Variants in TBXAS1 observed in about 807,000 individuals in gnomAD.
The protein encoded by TBXAS1 is thromboxane-A synthase.
In TBXAS1, 48 loss-of-function variants were observed where a neutral mutation model predicts 60.7. The observed-to-expected ratio is 0.79, with a 90% CI of 0.63 to 1.01. TBXAS1 has a LOEUF of 1.01. TBXAS1 is among the 50% of genes least tolerant of loss of function. The pLI, the probability that TBXAS1 is intolerant of heterozygous loss-of-function variation, is 0.00. For synonymous variants in TBXAS1, 287 were observed against 269.7 expected, an observed-to-expected ratio of 1.06 and a Z score of -0.63; for missense variants, 685 against 686.3, an observed-to-expected ratio of 1.00 and a Z score of 0.02.
intron 4 of TBXAS1, among the ~76,000 whole-genome samples, chr7:139,932,904 C>T (rs1807446279): frequency 6.6e-6 from 1 of 151,960 alleles, no homozygotes; most frequent in Non-Finnish European, 1.5e-5. Flanking sequence ...AAAAAAACTT[C>T]AAAATTAGCT....
At chr7:139,931,161 C>T (rs764694121) in intron 4 of TBXAS1, among the ~76,000 whole-genome samples, 5 of 152,252 alleles carry the variant, frequency 3.3e-5, no homozygotes, top group Admixed American at 6.5e-5. Context: ...CTTTCCCTGA[C>T]GTTAAATGCT....
intron 4 of TBXAS1, among the ~76,000 whole-genome samples, chr7:139,822,688 T>A (rs1178214749): frequency 6.6e-6 from 1 of 152,162 alleles, no homozygotes; most frequent in Non-Finnish European, 1.5e-5. Flanking sequence ...GGGTGATCCT[T>A]GACGTCCCCC....
intron 4 of TBXAS1, among the ~76,000 whole-genome samples, chr7:139,802,913 G>T (rs1797757932): frequency 6.6e-6 from 1 of 152,234 alleles, no homozygotes; most frequent in Admixed American, 6.5e-5. Flanking sequence ...CCTCTGCCAT[G>T]ATTGTGATGC....
In TBXAS1 at chr7:139,955,544, T is replaced by A; in HGVS notation, c.625T>A (p.Phe209Ile). The A allele has an allele frequency of 6.2e-7, 1 of 1,614,222 alleles. No individual in the cohort carries two copies. Among genetic ancestry groups the A allele is most frequent in the Admixed American group, 1.7e-5 (1 of 60,034 alleles). ...CTCCTGGCAGGCCCCTGAGGATCCCTTTGTGAAACACTGCAAGCGTTTCTT... is the reference window on the plus strand; with the variant it reads ...CTCCTGGCAGGCCCCTGAGGATCCCATTGTGAAACACTGCAAGCGTTTCTT... ...VDSWQAPEDP[F>I]VKHCKRFFEF... Residue 209 changes from phenylalanine (F) to isoleucine (I), a missense_variant, in exon 7 of 13, where the codon TTT becomes ATT. Physicochemically the swap from Phe to Ile is conservative, Grantham distance 21 (BLOSUM62 0). Transcript: ENST00000448866.
chr7:139,805,722 CTCTCTCTCTTTCTT>C (rs1797851466), intron 4 of TBXAS1, among the ~76,000 whole-genome samples: 2 of 120,778 alleles, frequency 1.7e-5, no homozygotes, highest in African/African-American at 6.9e-5. Context: ...TTCTCTCTCT[CTCTCTCTCTTTCTT>C]TCTTTCTTTC....
At chr7:139,941,916 C>T (rs6964435) in intron 5 of TBXAS1, among the ~76,000 whole-genome samples, 1,874 of 152,242 alleles carry the variant, frequency 0.012, 20 homozygotes, top group Non-Finnish European at 0.017. Context: ...CAGGTTAGCA[C>T]TAGATTTATT....
intron 3 of TBXAS1, among the ~76,000 whole-genome samples, chr7:139,893,648 C>T (rs996582469): frequency 3.3e-5 from 5 of 152,178 alleles, no homozygotes; most frequent in African/African-American, 1.2e-4. Flanking sequence ...TACATTTGCA[C>T]CAAGAACAGT....
At chr7:139,966,528 A>G (rs1810801378) in intron 9 of TBXAS1, among the ~76,000 whole-genome samples, 1 of 152,178 alleles carries the variant, frequency 6.6e-6, no homozygotes, top group Admixed American at 6.5e-5. Context: ...TCTCAGGCAC[A>G]TCTTCCCTAG....
rs1487480192 is a variant in TBXAS1, at chr7:139,852,442, G to A, written c.90-19793G>A. Among the ~76,000 whole-genome samples the A allele has an allele frequency of 6.6e-6, 1 of 152,162 alleles. No individual in the cohort carries two copies. Among genetic ancestry groups the A allele is most frequent in the East Asian group, 1.9e-4 (1 of 5,196 alleles). ...TGAGAGCCAGAAGCAAACACACTGA[G>A]GAACAACGGGCACTGAGATTCAGGG... On this transcript the variant is annotated intron_variant, in intron 1 of 12. Coordinates refer to ENST00000448866, the MANE Select transcript of TBXAS1 (RefSeq NM_001061.7). The surrounding 1 kb of genome is among the most constrained non-coding windows in gnomAD (Gnocchi z 4.4).
chr7:139,832,377 A>G (rs1229247205), intron 1 of TBXAS1, among the ~76,000 whole-genome samples: 1 of 151,154 alleles, frequency 6.6e-6, no homozygotes, highest in East Asian at 1.9e-4. Flanking sequence ...CTCAAAGACA[A>G]GGTCTTTGAA....
intron 8 of TBXAS1, among the ~76,000 whole-genome samples, chr7:139,958,127 A>T (rs1810026324): frequency 6.6e-6 from 1 of 152,132 alleles, no homozygotes; most frequent in African/African-American, 2.4e-5. Context: ...AATTTTCATG[A>T]GCATATTCTT....
chr7:140,002,323 T>C (rs1359323076), intron 9 of TBXAS1, among the ~76,000 whole-genome samples: 6 of 152,260 alleles, frequency 3.9e-5, no homozygotes, highest in African/African-American at 4.8e-5. Context: ...AGAGGACTTA[T>C]AATAAATTCT....
chr7:139,842,928 T>G (rs1202137228), intron 1 of TBXAS1, among the ~76,000 whole-genome samples: 1 of 152,180 alleles, frequency 6.6e-6, no homozygotes, highest in Non-Finnish European at 1.5e-5. Context: ...TCAGAGATGA[T>G]CTGAAAGCAA....
At chr7:139,817,977 C>T (rs1400552069) in intron 4 of TBXAS1, among the ~76,000 whole-genome samples, 2 of 152,212 alleles carry the variant, frequency 1.3e-5, no homozygotes, top group South Asian at 2.1e-4. Flanking sequence ...GTAGTACATT[C>T]ATTCATTTCA....
chr7:139,817,335 C>G (rs1445200042), intron 4 of TBXAS1, among the ~76,000 whole-genome samples: 1 of 152,076 alleles, frequency 6.6e-6, no homozygotes, highest in Non-Finnish European at 1.5e-5. Flanking sequence ...GCACACGTGC[C>G]TGCTCCACAA....
chr7:139,787,426 G>A (rs1031903938), exon 4 of TBXAS1: 1 of 152,200 alleles, frequency 6.6e-6, no homozygotes, highest in Non-Finnish European at 1.5e-5. Flanking sequence ...AACAACAACA[G>A]GTAAGATTTT....
intron 2 of TBXAS1, among the ~76,000 whole-genome samples, chr7:139,875,058 G>T (rs1183415433): frequency 6.6e-6 from 1 of 152,182 alleles, no homozygotes; most frequent in Non-Finnish European, 1.5e-5. Context: ...TCACACCACT[G>T]CACTCCAGCC....
Position 139,955,580 on chromosome 7 carries a change from A to G in TBXAS1, c.661A>G (p.Ile221Val). The G allele has an allele frequency of 6.2e-7, 1 of 1,614,224 alleles. No individual in the cohort carries two copies. The highest frequency in any genetic ancestry group is 1.1e-5 in the South Asian group (1 of 91,084). ...KHCKRFFEFC[I>V]PRPILVLLLS... The stretch of plus-strand genomic sequence containing the variant: ...CTGCAAGCGTTTCTTCGAATTCTGC[A>G]TCCCCAGACCTATCCTGGTTTTACT... The change falls in exon 7 of 13, where the codon ATC (isoleucine) becomes GTC (valine). Residue 221 changes from isoleucine (I) to valine (V), a missense_variant. By Grantham distance (29) the Ile-to-Val change is conservative. Coordinates refer to ENST00000448866, the MANE Select transcript of TBXAS1 (RefSeq NM_001061.7).
intron 3 of TBXAS1, among the ~76,000 whole-genome samples, chr7:139,900,292 C>T (rs981965101): frequency 1.2e-4 from 18 of 152,218 alleles, no homozygotes; most frequent in Non-Finnish European, 2.6e-4. Flanking sequence ...CATATTTCAG[C>T]CATGGCCCAG....
Sources: allele counts gnomAD v4.1 joint callset (sites outside exome capture counted in the v4.1 genomes callset), GRCh38; gene constraint gnomAD v4.1.1; non-coding constraint Gnocchi (gnomAD v3.1); transcripts MANE v1.5; gene names NCBI Gene and HGNC (gene_info 2026-07-23, HGNC 2026-07-21).